The following RFTN2 variants were observed in gnomAD, a reference collection of about 807,000 sequenced individuals.
RFTN2 encodes the protein raftlin family member 2, also known as raftlin-2.
A neutral mutation model predicts 52.7 loss-of-function variants in RFTN2; 34 were observed. The ratio of observed to expected loss-of-function variants is 0.64; its 90% CI spans 0.49 to 0.86. The LOEUF is 0.86. RFTN2 is among the 40% of genes least tolerant of loss of function. RFTN2 has a pLI of 0.00. For missense variants in RFTN2, 536 were observed against 600.1 expected (o/e 0.89, Z 1.12); for synonymous variants, 203 against 217.7 (o/e 0.93, Z 0.59).
chr2:197,583,382 A>G (rs1169286929), intron 8 of RFTN2, among the ~76,000 whole-genome samples: 1 of 152,138 alleles, frequency 6.6e-6, no homozygotes, highest in African/African-American at 2.4e-5. Context: ...CACTGCAGTC[A>G]TTTCTTCCCT....
intron 2 of RFTN2, among the ~76,000 whole-genome samples, chr2:197,645,967 A>G (rs2088742233): frequency 6.6e-6 from 1 of 152,160 alleles, no homozygotes; most frequent in African/African-American, 2.4e-5. Flanking sequence ...CAGAGGTTAC[A>G]GTGAGCTGAG....
At position 197,631,210 on chromosome 2, in the gene RFTN2, G is replaced by A; in HGVS notation, c.729C>T (p.Asn243=). 1 of 1,608,508 alleles carries A rather than the reference G, an allele frequency of 6.2e-7. No homozygotes were observed. The highest frequency in any genetic ancestry group is 8.5e-7 in the Non-Finnish European group (1 of 1,178,126). ...SKSRKGEASD[N]KLYTVFNAFD... ...AAGCATTGAAGACTGTATACAATTT[G>A]TTATCTGAGGCTAGGCATTCAGAAG... The change falls in exon 5 of 9, where the codon AAC becomes AAT. Residue 243 remains asparagine, a synonymous_variant. Transcript: ENST00000295049.
At position 197,646,648 on chromosome 2, in the gene RFTN2, A is replaced by T. The variant is rs762925402; in HGVS notation, c.158T>A (p.Val53Asp). 1 of 1,611,768 alleles carries T rather than the reference A, an allele frequency of 6.2e-7. No individual in the cohort carries two copies. Reference sequence around the variant, plus strand: ...ATCCAGAATTGAATTTATCTTGATGACTTCTGGGTTTGATGAAGCTGAAAT... The same window carrying T: ...ATCCAGAATTGAATTTATCTTGATGTCTTCTGGGTTTGATGAAGCTGAAAT... ...FTLQASSNPE[V>D]IKINSILDIV... Residue 53 changes from valine (V) to aspartate (D), a missense_variant, in exon 2 of 9, where the codon GTC becomes GAC. Physicochemically the swap from Val to Asp is radical, Grantham distance 152. Transcript: ENST00000295049.
At chr2:197,638,182 G>A (rs2088601046) in intron 3 of RFTN2, among the ~76,000 whole-genome samples, 4 of 131,770 alleles carry the variant, frequency 3.0e-5, no homozygotes, top group Non-Finnish European at 6.7e-5. Context: ...TTTGGAATAG[G>A]TGTGGTGTGG....
chr2:197,619,171 G>A (rs1035883249), intron 5 of RFTN2, among the ~76,000 whole-genome samples: 8 of 151,498 alleles, frequency 5.3e-5, no homozygotes, highest in Non-Finnish European at 8.8e-5. Context: ...GGTGAGGGGC[G>A]CCTCTGCCCG....
intron 8 of RFTN2, among the ~76,000 whole-genome samples, chr2:197,581,047 C>T (rs1358671292): frequency 2.0e-5 from 3 of 152,152 alleles, no homozygotes; most frequent in African/African-American, 7.2e-5. Context: ...CAACCAATCA[C>T]ACACTTGTTA....
chr2:197,624,253 A>T (rs1422080399), intron 5 of RFTN2, among the ~76,000 whole-genome samples: 2 of 152,180 alleles, frequency 1.3e-5, no homozygotes, highest in Non-Finnish European at 2.9e-5. Context: ...AAGAAGTTCT[A>T]CTGTGGTTAA....
intron 4 of RFTN2, among the ~76,000 whole-genome samples, chr2:197,631,607 C>G (rs1199365832): frequency 6.6e-6 from 1 of 152,116 alleles, no homozygotes; most frequent in Admixed American, 6.5e-5. Flanking sequence ...GTTCAACATG[C>G]CTTTGAAATG....
rs190470316 is a variant in RFTN2 at position 197,571,758 on chromosome 2, C to T, written c.*250G>A. 259 of 497,708 alleles carry T rather than the reference C, an allele frequency of 5.2e-4. No homozygotes were observed. The highest frequency in any genetic ancestry group is 4.6e-3 in the African/African-American group (239 of 51,960). 30.8% of individuals were successfully genotyped at this position (497,708 alleles called of 1,614,324 possible). A position where few individuals can be genotyped will look rare whatever the true frequency, so the allele number is the denominator to read the frequency against. On this transcript the variant is annotated 3_prime_UTR_variant, in exon 9 of 9. Transcript: ENST00000295049. The stretch of plus-strand genomic sequence containing the variant: ...GCTGAAATAGATTATTGTGTAATAA[C>T]CGAATGGAACATCTGTTTAACCAGA...
At chr2:197,641,106 A>C (rs1349368397) in intron 3 of RFTN2, among the ~76,000 whole-genome samples, 1 of 152,248 alleles carries the variant, frequency 6.6e-6, no homozygotes, top group Non-Finnish European at 1.5e-5. Context: ...AAGAAAGAAA[A>C]AGAATTATGA....
rs747142689 is a variant in RFTN2, at chr2:197,627,285, C to T, written c.928+3726G>A. 5.1e-4 allele frequency among the ~76,000 whole-genome samples: 77 copies of T among 152,314 alleles called. 1 individual carries two copies. The highest frequency in any genetic ancestry group is 3.4e-3 in the Middle Eastern group (1 of 294). ...TGCTGCCTTCTCAGAGGGGACCTCCCGACCACCTCTTTAAGTGAGTTCTTC... is the reference window on the plus strand; with the variant it reads ...TGCTGCCTTCTCAGAGGGGACCTCCTGACCACCTCTTTAAGTGAGTTCTTC... On this transcript the variant is annotated intron_variant, in intron 5 of 8. Transcript: ENST00000295049.
At chr2:197,626,684 T>C (rs984018220) in intron 5 of RFTN2, among the ~76,000 whole-genome samples, 2 of 134,840 alleles carry the variant, frequency 1.5e-5, no homozygotes, top group Admixed American at 8.3e-5. Flanking sequence ...TGCAGTGGTG[T>C]GATCTCGGCT....
At chr2:197,605,916 C>T (rs1391918653) in intron 7 of RFTN2, among the ~76,000 whole-genome samples, 2 of 152,194 alleles carry the variant, frequency 1.3e-5, no homozygotes, top group African/African-American at 2.4e-5. Flanking sequence ...ATGAGCTTCA[C>T]AGACCTGCCC....
intron 8 of RFTN2, among the ~76,000 whole-genome samples, chr2:197,594,535 T>C (rs2087766532): frequency 6.6e-6 from 1 of 152,160 alleles, no homozygotes; most frequent in Non-Finnish European, 1.5e-5. Flanking sequence ...TCTGCCAATG[T>C]TTCCCAGGCT....
chr2:197,669,455 A>G (rs1240788074), intron 1 of RFTN2, among the ~76,000 whole-genome samples: 1 of 151,998 alleles, frequency 6.6e-6, no homozygotes, highest in Non-Finnish European at 1.5e-5. Flanking sequence ...AAACATGCTT[A>G]AAACTACTAA....
Position 197,617,914 on chromosome 2 carries a change from A to G in RFTN2, c.936T>C (p.His312=), listed in dbSNP as rs1419308777. 1 of 1,604,586 alleles carries G rather than the reference A, an allele frequency of 6.2e-7. No individual in the cohort carries two copies. The highest frequency in any genetic ancestry group is 8.5e-7 in the Non-Finnish European group (1 of 1,175,166). The part of the protein sequence containing the change: ...FVFWETSKGE[H]LPKSLEGFFI... ...AAAATCCTTCCAAAGATTTAGGCAA[A>G]TGTTCCCCTGTGAGGAAGAGGGTAC... is the stretch of plus-strand genomic sequence containing the variant. The change falls in exon 6 of 9, where the codon CAT becomes CAC. Residue 312 remains histidine, a synonymous_variant. Transcript: ENST00000295049.
At chr2:197,658,180 T>A (rs140846819) in intron 1 of RFTN2, among the ~76,000 whole-genome samples, 1 of 15,130 alleles carries the variant, frequency 6.6e-5, no homozygotes, top group African/African-American at 3.7e-4. Context: ...TTAAAAAATA[T>A]TTTTTTTTTT....
In RFTN2 at chr2:197,595,991, A is replaced by C; in HGVS notation, c.1233T>G (p.Asp411Glu). ...TTAATAAAGCATCAATTTTACTCAC[A>C]TCTGGTGTTTGAGCAGCTGAATTCC... ...VMWNSAAQTP[D>E]KKASRHIKGE... is the part of the protein sequence containing the mutation. The change falls in exon 8 of 9, where the codon GAT (aspartate) becomes GAG (glutamate). Residue 411 changes from aspartate (D) to glutamate (E), a missense_variant and splice_region_variant. Coordinates refer to ENST00000295049, the MANE Select transcript of RFTN2 (RefSeq NM_144629.3). 1 of 1,593,582 alleles carries C rather than the reference A, an allele frequency of 6.3e-7. No individual in the cohort carries two copies. Among genetic ancestry groups the C allele is most frequent in the Admixed American group, 1.7e-5 (1 of 59,816 alleles).
chr2:197,638,839 G>A (rs1230313188), intron 3 of RFTN2, among the ~76,000 whole-genome samples: 8 of 146,688 alleles, frequency 5.5e-5, no homozygotes, highest in African/African-American at 1.3e-4. Context: ...TAGTCTCGAT[G>A]GTCTTTACAT....
Sources: gnomAD v4.1 joint callset for allele counts (sites outside exome capture counted in the v4.1 genomes callset) on GRCh38, gnomAD v4.1.1 for gene constraint, MANE v1.5 for transcripts, NCBI Gene and HGNC (gene_info 2026-07-23, HGNC 2026-07-21) for gene names.